Variants in ASAP2 observed in about 807,000 individuals in gnomAD.
ASAP2 encodes ArfGAP with SH3 domain, ankyrin repeat and PH domain 2, also known as arf-GAP with SH3 domain, ANK repeat and PH domain-containing protein 2.
In ASAP2, 45 loss-of-function variants were observed where a neutral mutation model predicts 131.4. The observed-to-expected ratio is 0.34, with a 90% confidence interval of 0.27 to 0.44. The LOEUF (loss-of-function observed/expected upper bound fraction) is 0.44, where lower values mean the gene tolerates loss of function less well. ASAP2 is among the 20% of genes least tolerant of loss of function. The pLI is 1.00. For missense variants in ASAP2, 1,011 were observed against 1,297.0 expected (o/e 0.78, Z 3.39); for synonymous variants, 510 against 503.0 (o/e 1.01, Z -0.19).
intron 1 of ASAP2, among the ~76,000 whole-genome samples, chr2:9,273,128 C>T (rs776051782): frequency 6.6e-6 from 1 of 152,078 alleles, no homozygotes; most frequent in African/African-American, 2.4e-5. Flanking sequence ...ATCTGTAAAT[C>T]GTTCTGGGTA....
chr2:9,210,610 A>G (rs1425329279), intron 1 of ASAP2, among the ~76,000 whole-genome samples: 1 of 151,374 alleles, frequency 6.6e-6, no homozygotes, highest in Middle Eastern at 3.2e-3. Context: ...GCTGGAGTGC[A>G]GTGGCTCGAT....
intron 1 of ASAP2, among the ~76,000 whole-genome samples, chr2:9,225,520 T>C (rs1662699275): frequency 6.6e-6 from 1 of 152,180 alleles, no homozygotes; most frequent in Non-Finnish European, 1.5e-5. Flanking sequence ...TCTGAGGTCA[T>C]GAGTAAGTCC....
chr2:9,263,716 A>G (rs1320832416), intron 1 of ASAP2, among the ~76,000 whole-genome samples: 1 of 151,968 alleles, frequency 6.6e-6, no homozygotes, highest in Non-Finnish European at 1.5e-5. Context: ...TCGTTTTTTC[A>G]TAGTGTGTGT....
At chr2:9,378,422 GC>G (rs1455131380) in intron 18 of ASAP2, among the ~76,000 whole-genome samples, 5 of 152,238 alleles carry the variant, frequency 3.3e-5, no homozygotes, top group Non-Finnish European at 5.9e-5. Context: ...AGGCCGAGGA[GC>G]CTGGGGACTC....
At chr2:9,323,032 G>T in intron 5 of ASAP2, 89 bp from the exon 6 acceptor site, 1 of 1,525,808 alleles carries the variant, frequency 6.6e-7, no homozygotes, top group Non-Finnish European at 8.9e-7. Context: ...CGTTGGTCTC[G>T]CCAGGCTGGG....
At chr2:9,272,171 C>T (rs1666444711) in intron 1 of ASAP2, among the ~76,000 whole-genome samples, 1 of 152,154 alleles carries the variant, frequency 6.6e-6, no homozygotes, top group Admixed American at 6.5e-5. Flanking sequence ...TTTACATTCC[C>T]ACCAATAGTG....
chr2:9,391,559 G>C, intron 23 of ASAP2, among the ~76,000 whole-genome samples: 1 of 148,678 alleles, frequency 6.7e-6, no homozygotes, highest in South Asian at 2.1e-4. Context: ...CTGGCTTTTT[G>C]TTTTTCTTTT....
chr2:9,399,829 A>C, intron 24 of ASAP2, 194 bp from the exon 25 acceptor site: 1 of 609,268 alleles, frequency 1.6e-6, no homozygotes, highest in Non-Finnish European at 2.9e-6. Flanking sequence ...AGGATCAGAA[A>C]CGTTGAATTT....
In ASAP2 at chr2:9,232,224, A is replaced by ATGCC. The variant is rs1356402122; in HGVS notation, c.126+24997_126+25000dup. Among the ~76,000 whole-genome samples, 2 of 151,984 alleles carry ATGCC rather than the reference A, an allele frequency of 1.3e-5. No homozygotes were observed. Among genetic ancestry groups the ATGCC allele is most frequent in the Admixed American group, 1.3e-4 (2 of 15,280 alleles). On this transcript the variant is annotated intron_variant, in intron 1 of 27. Transcript: ENST00000281419. This position sits in a 1 kb window ranked among gnomAD's most constrained non-coding sequence, Gnocchi z 4.1. ...GCCTCCCTCCCACCCCATCTCATCC[A>ATGCC]TGCCTGTCCTCTGTGTCAACACGCC...
In ASAP2 at chr2:9,217,941, T is replaced by C. The variant is rs1326562569; in HGVS notation, c.126+10711T>C. On this transcript the variant is annotated intron_variant, in intron 1 of 27. Transcript: ENST00000281419. The surrounding 1 kb of genome is among the most constrained non-coding windows in gnomAD (Gnocchi z 4.0). Reference sequence around the variant, plus strand: ...TTTTTTTTTTTACATGAAAAAATAATGATGACAATGCTTTAATTTCATTTC... The same window carrying C: ...TTTTTTTTTTTACATGAAAAAATAACGATGACAATGCTTTAATTTCATTTC... Among the ~76,000 whole-genome samples the C allele has an allele frequency of 6.6e-6, 1 of 151,136 alleles. No individual in the cohort carries two copies. Among genetic ancestry groups the C allele is most frequent in the South Asian group, 2.1e-4 (1 of 4,786 alleles).
In ASAP2 at chr2:9,344,513, A is replaced by T. The variant is rs905113318; in HGVS notation, c.850-19A>T. The T allele has an allele frequency of 3.1e-6, 5 of 1,597,324 alleles. No homozygotes were observed. Among genetic ancestry groups the T allele is most frequent in the African/African-American group, 1.3e-5 (1 of 74,444 alleles). Reference sequence around the variant, plus strand: ...AGGACCTGGACAAGATTAAAAACACACTCTTCACCATTTTTTAGGACTCCC... The same window carrying T: ...AGGACCTGGACAAGATTAAAAACACTCTCTTCACCATTTTTTAGGACTCCC... On this transcript the variant is annotated intron_variant, in intron 9 of 27. Transcript: ENST00000281419.
chr2:9,266,801 C>T lies in ASAP2; in HGVS notation c.127-12516C>T, dbSNP rs138084537. 3.2e-3 allele frequency among the ~76,000 whole-genome samples: 480 copies of T among 152,280 alleles called. 4 individuals carry two copies. The highest frequency in any genetic ancestry group is 0.011 in the African/African-American group (459 of 41,554). ...GTAGTTTAGTAAGATTGCCCAAAAC[C>T]ACCTCCCAGAGTTAGTGGGAAGCGC... On this transcript the variant is annotated intron_variant, in intron 1 of 27. Transcript: ENST00000281419.
At chr2:9,252,638 G>A (rs1271511299) in intron 1 of ASAP2, among the ~76,000 whole-genome samples, 1 of 151,958 alleles carries the variant, frequency 6.6e-6, no homozygotes, top group Non-Finnish European at 1.5e-5. Context: ...GAACACGGCC[G>A]GGTGCAGTGG....
At chr2:9,252,925 A>AAAG in intron 1 of ASAP2, among the ~76,000 whole-genome samples, 1 of 151,820 alleles carries the variant, frequency 6.6e-6, no homozygotes, top group African/African-American at 2.4e-5. Context: ...AAAAAAAAAA[A>AAAG]AAAAAAGAAT....
intron 1 of ASAP2, among the ~76,000 whole-genome samples, chr2:9,223,500 G>A (rs1662565857): frequency 6.6e-6 from 1 of 152,152 alleles, no homozygotes; most frequent in Non-Finnish European, 1.5e-5. Flanking sequence ...AGATTTTGGT[G>A]TAAATTAGGG....
intron 3 of ASAP2, among the ~76,000 whole-genome samples, chr2:9,316,615 C>G (rs139511854): frequency 6.6e-6 from 1 of 152,054 alleles, no homozygotes; most frequent in African/African-American, 2.4e-5. Flanking sequence ...GTTTCGAGCT[C>G]GTTTTCCACT....
intron 1 of ASAP2, among the ~76,000 whole-genome samples, chr2:9,264,654 A>G (rs1297257901): frequency 1.3e-5 from 2 of 151,882 alleles, no homozygotes; most frequent in African/African-American, 4.8e-5. Flanking sequence ...GTCTCCTGTC[A>G]CCGTCTTCTC....
At position 9,394,417 on chromosome 2, in the gene ASAP2, G is replaced by A. The variant is rs897352567; in HGVS notation, c.2684+770G>A. On this transcript the variant is annotated intron_variant, in intron 24 of 27. Transcript: ENST00000281419. ...CTGACCTCGTGATCCACCTGCCTCG[G>A]CCTCCCAAAGTGCTGGGATTACAGG... Among the ~76,000 whole-genome samples, 10 of 152,198 alleles carry A rather than the reference G, an allele frequency of 6.6e-5. No individual in the cohort carries two copies. In the East Asian group the frequency reaches 1.7e-3, roughly 26 times the overall value.
chr2:9,302,120 G>A (rs757295323), intron 3 of ASAP2, among the ~76,000 whole-genome samples: 14 of 98,900 alleles, frequency 1.4e-4, no homozygotes, highest in East Asian at 2.3e-4. Context: ...ACCGCGCCCG[G>A]CCTTTTTTTT....
Sources: gnomAD v4.1 joint callset for allele counts (sites outside exome capture counted in the v4.1 genomes callset) on GRCh38, gnomAD v4.1.1 for gene constraint, Gnocchi (gnomAD v3.1) non-coding constraint, MANE v1.5 for transcripts, NCBI Gene and HGNC (gene_info 2026-07-23, HGNC 2026-07-21) for gene names.